ANK1: variants seen among roughly 807,000 people sequenced by gnomAD.
The protein encoded by ANK1 is ankyrin 1.
In ANK1, 51 loss-of-function variants were observed where a neutral mutation model predicts 210.4. That is an observed-to-expected ratio of 0.24 (90% CI 0.19 to 0.31). The LOEUF is 0.31. ANK1 is among the 10% of genes least tolerant of loss of function. The pLI is 1.00. For synonymous variants in ANK1, 967 were observed against 1,025.9 expected, an observed-to-expected ratio of 0.94 and a Z score of 1.10; for missense variants, 2,051 against 2,504.4, an observed-to-expected ratio of 0.82 and a Z score of 3.86.
chr8:41,769,793 C>T (rs1476695285), intron 1 of ANK1, among the ~76,000 whole-genome samples: 1 of 152,016 alleles, frequency 6.6e-6, no homozygotes, highest in Non-Finnish European at 1.5e-5. Flanking sequence ...CAGTCCACAT[C>T]CTTGTCAAGA....
At chr8:41,861,918 C>T (rs1383395075) in intron 1 of ANK1, among the ~76,000 whole-genome samples, 7 of 152,328 alleles carry the variant, frequency 4.6e-5, no homozygotes, top group Middle Eastern at 3.4e-3. Flanking sequence ...CACCTCCGCA[C>T]GCCTCCTCTT....
At chr8:41,806,453 G>A (rs566347599) in intron 1 of ANK1, among the ~76,000 whole-genome samples, 1 of 152,328 alleles carries the variant, frequency 6.6e-6, no homozygotes, top group Admixed American at 6.5e-5. Flanking sequence ...AGTTGTTCAT[G>A]TCGGTAATCC....
At chr8:41,860,176 C>T (rs931199644) in intron 1 of ANK1, among the ~76,000 whole-genome samples, 6 of 152,158 alleles carry the variant, frequency 3.9e-5, no homozygotes, top group African/African-American at 4.8e-5. Flanking sequence ...TTAAAAATTC[C>T]GCTAAGTCTC....
chr8:41,686,649 C>T (rs1412368310), intron 35 of ANK1, among the ~76,000 whole-genome samples: 1 of 152,194 alleles, frequency 6.6e-6, no homozygotes. Context: ...AGTCCCTGAG[C>T]CAGGAGGCAG....
At chr8:41,740,469 T>G (rs550924945) in intron 2 of ANK1, among the ~76,000 whole-genome samples, 45 of 151,996 alleles carry the variant, frequency 3.0e-4, no homozygotes, top group Admixed American at 1.2e-3. Context: ...TGCCTGCTTG[T>G]TATTGGTGTA....
intron 1 of ANK1, among the ~76,000 whole-genome samples, chr8:41,780,702 G>A (rs544767237): frequency 5.9e-5 from 9 of 152,368 alleles, no homozygotes; most frequent in Non-Finnish European, 1.3e-4. Context: ...ATGCCTGTGT[G>A]TGCACGTGTG....
intron 2 of ANK1, among the ~76,000 whole-genome samples, chr8:41,745,084 G>A (rs887656357): frequency 7.7e-5 from 9 of 116,372 alleles, no homozygotes; most frequent in African/African-American, 1.6e-4. Context: ...CAGAGACAGC[G>A]TGAGAAAACA....
intron 1 of ANK1, among the ~76,000 whole-genome samples, chr8:41,883,127 G>A (rs1278409906): frequency 6.6e-6 from 1 of 152,222 alleles, no homozygotes; most frequent in Non-Finnish European, 1.5e-5. Context: ...TGTTAACAAA[G>A]AGCACAGCCC....
At chr8:41,682,380 C>G (rs113821836) in intron 37 of ANK1, among the ~76,000 whole-genome samples, 17 of 152,362 alleles carry the variant, frequency 1.1e-4, no homozygotes, top group African/African-American at 4.1e-4. Flanking sequence ...GCACCATGCA[C>G]GTTAACTGCT....
chr8:41,679,617 C>A (rs1428004591), intron 37 of ANK1, among the ~76,000 whole-genome samples: 1 of 126,308 alleles, frequency 7.9e-6, no homozygotes, highest in Non-Finnish European at 1.6e-5. Flanking sequence ...GGCGGGAGTG[C>A]AGTGGCGCAA....
intron 2 of ANK1, among the ~76,000 whole-genome samples, chr8:41,739,880 C>T (rs1834324708): frequency 6.6e-6 from 1 of 152,106 alleles, no homozygotes; most frequent in Admixed American, 6.5e-5. Context: ...AGGTAATTCT[C>T]CATGCTCCTA....
At position 41,768,816 on chromosome 8, in the gene ANK1, A is replaced by C. The variant is rs549163842; in HGVS notation, c.28-10679T>G. Among the ~76,000 whole-genome samples the C allele has an allele frequency of 7.0e-4, 106 of 150,390 alleles. 5 individuals are homozygous for C. In the South Asian group the frequency reaches 0.022, roughly 31 times the overall value. Reference sequence around the variant, plus strand: ...CTGTCTCCACAAAAAAAAAAAAAAAAATTAATTAGCCAGGCAAGGTGGCAC... The same window carrying C: ...CTGTCTCCACAAAAAAAAAAAAAAACATTAATTAGCCAGGCAAGGTGGCAC... On this transcript the variant is annotated intron_variant, in intron 1 of 42. Transcript: ENST00000289734.
At chr8:41,763,117 G>A (rs765574990) in intron 1 of ANK1, among the ~76,000 whole-genome samples, 23 of 151,950 alleles carry the variant, frequency 1.5e-4, no homozygotes, top group Non-Finnish European at 3.4e-4. Context: ...TTGGGAGGGT[G>A]AGGCAGAAGA....
chr8:41,804,660 A>G (rs1420923152), intron 1 of ANK1, among the ~76,000 whole-genome samples: 1 of 152,184 alleles, frequency 6.6e-6, no homozygotes, highest in Non-Finnish European at 1.5e-5. Context: ...ACTTTATTTC[A>G]TGTTAAATGT....
At position 41,694,829 on chromosome 8, in the gene ANK1, C is replaced by T. The variant is rs776280362; in HGVS notation, c.3116-26G>A. ...CTGGAATCACACACACAGGCCACCA[C>T]CCCGGTCACATCAGGCACAGGTTCA... On this transcript the variant is annotated intron_variant, in intron 27 of 42. Transcript: ENST00000289734. This position sits in a 1 kb window ranked among gnomAD's most constrained non-coding sequence, Gnocchi z 5.7. 2.0e-5 allele frequency: 33 copies of T among 1,611,046 alleles called. 1 individual carries two copies. The East Asian group carries it at 3.1e-4, about 15-fold the overall frequency.
At chr8:41,655,846 A>C in intron 42 of ANK1, 93 bp from the exon 43 acceptor site, 3 of 1,419,910 alleles carry the variant, frequency 2.1e-6, no homozygotes, top group Non-Finnish European at 3.0e-6. Context: ...CTGGCAGCTC[A>C]GGCCGAATCT....
At chr8:41,758,179 TA>T (rs756876822) in intron 1 of ANK1, 42 bp from the exon 2 acceptor site, 2 of 1,560,276 alleles carry the variant, frequency 1.3e-6, no homozygotes, top group South Asian at 1.1e-5. Context: ...CTGGGTGTAT[TA>T]ATGACTTCTC....
rs145842258 is a variant in ANK1, at chr8:41,723,662, C to A, written c.712-29G>T. ...AAGGGAGGAAGCAGGACGGTCAGGG[C>A]GCGTCATCCTTCCCTGGAATGCAGC... On this transcript the variant is annotated intron_variant, in intron 7 of 42. Transcript: ENST00000289734. 4,439 of 1,601,598 alleles carry A rather than the reference C, an allele frequency of 2.8e-3. 9 individuals are homozygous for A. Among genetic ancestry groups the A allele is most frequent in the Middle Eastern group, 4.4e-3 (26 of 5,942 alleles).
intron 3 of ANK1, among the ~76,000 whole-genome samples, chr8:41,729,808 C>A (rs1256347276): frequency 6.6e-6 from 1 of 152,218 alleles, no homozygotes; most frequent in Non-Finnish European, 1.5e-5. Flanking sequence ...GGTCCTGGAC[C>A]ACAATGTCAG....
Sources: allele counts gnomAD v4.1 joint callset (sites outside exome capture counted in the v4.1 genomes callset), GRCh38; gene constraint gnomAD v4.1.1; non-coding constraint Gnocchi (gnomAD v3.1); transcripts MANE v1.5; gene names NCBI Gene and HGNC (gene_info 2026-07-23, HGNC 2026-07-21).